The following ZBTB6 variants were observed in gnomAD, a reference collection of about 807,000 sequenced individuals.
ZBTB6 encodes zinc finger and BTB domain containing 6, also known as zinc finger and BTB domain-containing protein 6.
ZBTB6 carries 11 observed loss-of-function variants against 30.6 expected under a neutral mutation model. The observed-to-expected ratio is 0.36, with a 90% CI of 0.23 to 0.60. ZBTB6 has a LOEUF of 0.60. ZBTB6 is among the 20% of genes least tolerant of loss of function. ZBTB6 has a pLI of 0.75. For missense variants in ZBTB6, 380 were observed against 489.4 expected (o/e 0.78, Z 2.11); for synonymous variants, 174 against 172.0 (o/e 1.01, Z -0.09).
In ZBTB6 at chr9:122,911,564, C is replaced by T; in HGVS notation, c.509G>A (p.Ser170Asn). 6.2e-7 allele frequency: 1 copy of T among 1,613,880 alleles called. No homozygotes were observed. Among genetic ancestry groups the T allele is most frequent in the South Asian group, 1.1e-5 (1 of 91,080 alleles). The change falls in exon 2 of 2, where the codon AGT becomes AAT. Residue 170 changes from serine to asparagine, a missense_variant. By Grantham distance (46) the Ser-to-Asn change is conservative (BLOSUM62 1). Transcript: ENST00000373659. The surrounding 1 kb of genome is among the most constrained non-coding windows in gnomAD (Gnocchi z 4.5). ...AACATGGAAATCTATGTTTACAGGA[C>T]TATCTTCTGAAATTTCAATTATCTC... is the stretch of plus-strand genomic sequence containing the variant. ...DCEIIEISED[S>N]PVNIDFHVKE...
rs1300566319 is a variant in ZBTB6, at chr9:122,911,754, C to G, written c.319G>C (p.Ala107Pro). Residue 107 changes from alanine (A) to proline (P), a missense_variant, in exon 2 of 2, where the codon GCC becomes CCC. Transcript: ENST00000373659. The surrounding 1 kb of genome is among the most constrained non-coding windows in gnomAD (Gnocchi z 4.5). Reference sequence around the variant, plus strand: ...ATGTGAACCATCTGAAGGTAACTGGCAGCAGTCAAGTATTTCAAAAGCTCT... The same window carrying G: ...ATGTGAACCATCTGAAGGTAACTGGGAGCAGTCAAGTATTTCAAAAGCTCT... ...RKELLKYLTA[A>P]SYLQMVHIVE... 6.2e-7 allele frequency: 1 copy of G among 1,614,186 alleles called. No homozygotes were observed. Among genetic ancestry groups the G allele is most frequent in the Admixed American group, 1.7e-5 (1 of 60,020 alleles).
rs1455181684 is a variant in ZBTB6, at chr9:122,909,636, T to A, written c.*1162A>T. 2.0e-5 allele frequency: 3 copies of A among 152,240 alleles called. No homozygotes were observed. Among genetic ancestry groups the A allele is most frequent in the African/African-American group, 4.8e-5 (2 of 41,460 alleles). 9.4% of individuals were successfully genotyped at this position (152,240 alleles called of 1,614,324 possible). A position where few individuals can be genotyped will look rare whatever the true frequency, so the allele number is the denominator to read the frequency against. On this transcript the variant is annotated 3_prime_UTR_variant, in exon 2 of 2. Coordinates refer to ENST00000373659, the MANE Select transcript of ZBTB6 (RefSeq NM_006626.6). Reference sequence around the variant, plus strand: ...AATGAAAAAATACAACACTAATAGCTACACCTTTTTAAATTGCTCATCTAG... The same window carrying A: ...AATGAAAAAATACAACACTAATAGCAACACCTTTTTAAATTGCTCATCTAG...
At position 122,910,609 on chromosome 9, in the gene ZBTB6, C is replaced by T; in HGVS notation, c.*189G>A. On this transcript the variant is annotated 3_prime_UTR_variant, in exon 2 of 2. Transcript: ENST00000373659. ...TGTAAGGTATGAGATGAGACAGAAT[C>T]CCATCAGCTTTACTGTGCCTCCCAT... 5 of 585,624 alleles carry T rather than the reference C, an allele frequency of 8.5e-6. No individual in the cohort carries two copies. The highest frequency in any genetic ancestry group is 1.5e-5 in the Non-Finnish European group (5 of 334,578). 36.3% of individuals were successfully genotyped at this position (585,624 alleles called of 1,614,324 possible).
chr9:122,910,916 C>T lies in ZBTB6; in HGVS notation c.1157G>A (p.Cys386Tyr), dbSNP rs1294251784. 6.2e-7 allele frequency: 1 copy of T among 1,614,058 alleles called. No individual in the cohort carries two copies. The highest frequency in any genetic ancestry group is 8.5e-7 in the Non-Finnish European group (1 of 1,180,024). ...CTTGTGCTTGAAATCCATATCACAA[C>T]AGTGGCATTTGTATGGCCGATCCCC... ...HSGDRPYKCH[C>Y]CDMDFKHKSA... is the part of the protein sequence containing the mutation. The change falls in exon 2 of 2, where the codon TGT (cysteine) becomes TAT (tyrosine). Residue 386 changes from cysteine to tyrosine, a missense_variant. Physicochemically the swap from Cys to Tyr is radical, Grantham distance 194. Transcript: ENST00000373659.
Position 122,911,270 on chromosome 9 carries a change from G to A in ZBTB6, c.803C>T (p.Pro268Leu). The change falls in exon 2 of 2, where the codon CCT becomes CTT. Residue 268 changes from proline (P) to leucine (L), a missense_variant. Pro to Leu is a moderately conservative substitution (Grantham distance 98). Transcript: ENST00000373659. The surrounding 1 kb of genome is among the most constrained non-coding windows in gnomAD (Gnocchi z 4.5). ...AAATAAGCCCTGATCTTGATTCCCA[G>A]GAACTTCAGCCACTCTGCTCTCAAC... is the stretch of plus-strand genomic sequence containing the variant. The part of the protein sequence containing the change: ...STVESRVAEV[P>L]GNQDQGLFCE... 2 of 1,614,076 alleles carry A rather than the reference G, an allele frequency of 1.2e-6. No individual in the cohort carries two copies. The highest frequency in any genetic ancestry group is 1.7e-6 in the Non-Finnish European group (2 of 1,180,024).
chr9:122,912,226 T>G, intron 1 of ZBTB6, 145 bp from the exon 2 acceptor site: 1 of 763,618 alleles, frequency 1.3e-6, no homozygotes, highest in Non-Finnish European at 2.1e-6. Flanking sequence ...TGAACCTTTA[T>G]GCCACCATCT....
In ZBTB6 at chr9:122,910,680, C is replaced by G; in HGVS notation, c.*118G>C. 2 of 1,071,086 alleles carry G rather than the reference C, an allele frequency of 1.9e-6. No individual in the cohort carries two copies. Among genetic ancestry groups the G allele is most frequent in the Non-Finnish European group, 2.6e-6 (2 of 762,310 alleles). The allele number at this position is 1,071,086 out of a possible 1,614,324, so 66.3% of individuals were successfully genotyped here. On this transcript the variant is annotated 3_prime_UTR_variant, in exon 2 of 2. Coordinates refer to ENST00000373659, the MANE Select transcript of ZBTB6 (RefSeq NM_006626.6). ...TTCAGAAAGAATGATTATGTGTAAG[C>G]CGACAAAATATAAGAAACAAAGATT...
Position 122,910,029 on chromosome 9 carries a change from A to G in ZBTB6, c.*769T>C, listed in dbSNP as rs897107797. On this transcript the variant is annotated 3_prime_UTR_variant, in exon 2 of 2. Coordinates refer to ENST00000373659, the MANE Select transcript of ZBTB6 (RefSeq NM_006626.6). Reference sequence around the variant, plus strand: ...AGAGAGGAACTTTTAAAACAGTAGAACAGATATCCCTGGTAAAGGTAGAAT... The same window carrying G: ...AGAGAGGAACTTTTAAAACAGTAGAGCAGATATCCCTGGTAAAGGTAGAAT... 6.6e-6 allele frequency: 1 copy of G among 152,218 alleles called. No homozygotes were observed. The highest frequency in any genetic ancestry group is 1.5e-5 in the Non-Finnish European group (1 of 68,032). 9.4% of individuals were successfully genotyped at this position (152,218 alleles called of 1,614,324 possible).
chr9:122,908,552 A>C lies in ZBTB6; in HGVS notation c.*2246T>G, dbSNP rs988555098. ...ACCAATTTTTTTTCAAATATCCAAG[A>C]TAGTAGATACTAATTCTTAAAAAAT... On this transcript the variant is annotated 3_prime_UTR_variant, in exon 2 of 2. Coordinates refer to ENST00000373659, the MANE Select transcript of ZBTB6 (RefSeq NM_006626.6). 2.6e-5 allele frequency: 4 copies of C among 152,602 alleles called. No individual in the cohort carries two copies. The highest frequency in any genetic ancestry group is 2.9e-5 in the Non-Finnish European group (2 of 68,026). 9.5% of individuals were successfully genotyped at this position (152,602 alleles called of 1,614,324 possible).
Position 122,910,786 on chromosome 9 carries a change from CTG to C in ZBTB6, c.*10_*11del, listed in dbSNP as rs1832945537. The stretch of plus-strand genomic sequence containing the variant: ...ATAATACAAACTTTATATAACAAGT[CTG>C]TGATTATAATTATAGTAGACTTTGC... On this transcript the variant is annotated 3_prime_UTR_variant, in exon 2 of 2. Coordinates refer to ENST00000373659, the MANE Select transcript of ZBTB6 (RefSeq NM_006626.6). The C allele has an allele frequency of 1.9e-6, 3 of 1,588,992 alleles. No individual in the cohort carries two copies. In the South Asian group the frequency reaches 3.4e-5, roughly 18 times the overall value.
rs1292727202 is a variant in ZBTB6 at position 122,909,393 on chromosome 9, A to G, written c.*1405T>C. 1.3e-5 allele frequency: 2 copies of G among 152,222 alleles called. No homozygotes were observed. The highest frequency in any genetic ancestry group is 4.8e-5 in the African/African-American group (2 of 41,458). 9.4% of individuals were successfully genotyped at this position (152,222 alleles called of 1,614,324 possible). A position where few individuals can be genotyped will look rare whatever the true frequency, so the allele number is the denominator to read the frequency against. On this transcript the variant is annotated 3_prime_UTR_variant, in exon 2 of 2. Transcript: ENST00000373659. ...TAGAGAATATTATTTGCCCTGCAGT[A>G]TATTTTAATCTTTGTTAAAATAATT...
Position 122,911,950 on chromosome 9 carries a change from G to A in ZBTB6, c.123C>T (p.Asp41=), listed in dbSNP as rs1276043086. 6.2e-7 allele frequency: 1 copy of A among 1,614,168 alleles called. No individual in the cohort carries two copies. Among genetic ancestry groups the A allele is most frequent in the Non-Finnish European group, 8.5e-7 (1 of 1,180,038 alleles). Residue 41 remains aspartate, a synonymous_variant, in exon 2 of 2, where the codon GAC becomes GAT. Transcript: ENST00000373659. The surrounding 1 kb of genome is among the most constrained non-coding windows in gnomAD (Gnocchi z 4.5). Reference sequence around the variant, plus strand: ...TCACCTTGTGCCCCTGGAACTCAGTGTCATTAATGTAAATTGATACATCAC... The same window carrying A: ...TCACCTTGTGCCCCTGGAACTCAGTATCATTAATGTAAATTGATACATCAC... ...LFCDVSIYIN[D]TEFQGHKVIL... is the part of the protein sequence containing the mutation.
At position 122,911,715 on chromosome 9, in the gene ZBTB6, T is replaced by C; in HGVS notation, c.358A>G (p.Thr120Ala). Reference sequence around the variant, plus strand: ...TCCAGATACTTTGACAAAGCTTCTGTGCACTTTTCCACAATGTGAACCATC... The same window carrying C: ...TCCAGATACTTTGACAAAGCTTCTGCGCACTTTTCCACAATGTGAACCATC... ...LQMVHIVEKC[T>A]EALSKYLEID... The change falls in exon 2 of 2, where the codon ACA becomes GCA. Residue 120 changes from threonine to alanine, a missense_variant. Coordinates refer to ENST00000373659, the MANE Select transcript of ZBTB6 (RefSeq NM_006626.6). The surrounding 1 kb of genome is among the most constrained non-coding windows in gnomAD (Gnocchi z 4.5). The C allele has an allele frequency of 6.2e-7, 1 of 1,614,144 alleles. No individual in the cohort carries two copies.
Position 122,912,050 on chromosome 9 carries a change from A to G in ZBTB6, c.23T>C (p.Leu8Pro). 2 of 1,613,188 alleles carry G rather than the reference A, an allele frequency of 1.2e-6. No individual in the cohort carries two copies. Among genetic ancestry groups the G allele is most frequent in the South Asian group, 1.1e-5 (1 of 91,002 alleles). ...TCCTTGCTGTTCAAACTGGAAATGC[A>G]GAACATCAGACTCAGCAGCCATGAT... MAAESDV[L>P]HFQFEQQGDV... The change falls in exon 2 of 2, where the codon CTG becomes CCG. Residue 8 changes from leucine (L) to proline (P), a missense_variant. By Grantham distance (98) the Leu-to-Pro change is moderately conservative. Transcript: ENST00000373659.
intron 1 of ZBTB6, 69 bp from the exon 2 acceptor site, chr9:122,912,150 A>G: frequency 6.9e-7 from 1 of 1,454,716 alleles, no homozygotes; most frequent in Non-Finnish European, 9.3e-7. Flanking sequence ...TGTAATGGTG[A>G]AAACAAACGA....
rs1147322 is a variant in ZBTB6, at chr9:122,913,322, A to G, written c.-81T>C. On this transcript the variant is annotated 5_prime_UTR_variant, in exon 1 of 2. Coordinates refer to ENST00000373659, the MANE Select transcript of ZBTB6 (RefSeq NM_006626.6). The stretch of plus-strand genomic sequence containing the variant: ...AGCCGGAAGATGGACTTAGCCTGGA[A>G]GAAAACACATCCGGTGCCAACCAGC... 0.83 allele frequency: 813,970 copies of G among 985,496 alleles called. 340,604 individuals are homozygous for G. Among genetic ancestry groups the G allele is most frequent in the Non-Finnish European group, 0.86 (710,127 of 829,802 alleles). The allele number at this position is 985,496 out of a possible 1,614,324, so 61.0% of individuals were successfully genotyped here.
rs760670459 is a variant in ZBTB6, at chr9:122,911,284, T to C, written c.789A>G (p.Arg263=). The change falls in exon 2 of 2, where the codon AGA becomes AGG. Residue 263 remains arginine, a synonymous_variant. Transcript: ENST00000373659. This position sits in a 1 kb window ranked among gnomAD's most constrained non-coding sequence, Gnocchi z 4.5. ...HSLINSTVES[R]VAEVPGNQDQ... ...CTTGATTCCCAGGAACTTCAGCCAC[T>C]CTGCTCTCAACTGTAGAATTGATCA... 6.2e-7 allele frequency: 1 copy of C among 1,614,162 alleles called. No individual in the cohort carries two copies. The highest frequency in any genetic ancestry group is 1.7e-5 in the Admixed American group (1 of 60,024).
At chr9:122,913,183 GTCC>G (rs371579801) in intron 1 of ZBTB6, 65 bp downstream of exon 1, 9,120 of 868,414 alleles carry the variant, frequency 0.011, no homozygotes, top group Non-Finnish European at 0.012. Flanking sequence ...GAGCCCAGCT[GTCC>G]TCCTCCTCCT....
rs1832924464 is a variant in ZBTB6 at position 122,908,606 on chromosome 9, C to T, written c.*2192G>A. On this transcript the variant is annotated 3_prime_UTR_variant, in exon 2 of 2. Coordinates refer to ENST00000373659, the MANE Select transcript of ZBTB6 (RefSeq NM_006626.6). ...AGTACTATTCTTTTACCCTCTCCTCCCATCTCCATCCTTCCCCCTTCCCCC... is the reference window on the plus strand; with the variant it reads ...AGTACTATTCTTTTACCCTCTCCTCTCATCTCCATCCTTCCCCCTTCCCCC... The T allele has an allele frequency of 6.6e-6, 1 of 152,356 alleles. No individual in the cohort carries two copies. Among genetic ancestry groups the T allele is most frequent in the African/African-American group, 2.4e-5 (1 of 41,380 alleles). 9.4% of individuals were successfully genotyped at this position (152,356 alleles called of 1,614,324 possible).
Sources: allele counts gnomAD v4.1 joint callset, GRCh38; gene constraint gnomAD v4.1.1; non-coding constraint Gnocchi (gnomAD v3.1); transcripts MANE v1.5; gene names NCBI Gene and HGNC (gene_info 2026-07-23, HGNC 2026-07-21).